NFIA: variants seen among roughly 807,000 people sequenced by gnomAD.
The protein encoded by NFIA is nuclear factor I A.
NFIA carries 8 observed loss-of-function variants against 62.8 expected under a neutral mutation model. That is an observed-to-expected ratio of 0.13 (90% CI 0.07 to 0.23). NFIA has a LOEUF of 0.23. Among genes scored for constraint, NFIA ranks in the 10% least tolerant of loss-of-function variants. NFIA has a pLI of 1.00. For synonymous variants in NFIA, 235 were observed against 238.1 expected (o/e 0.99, Z 0.12); for missense variants, 410 against 642.1 (o/e 0.64, Z 3.91).
chr1:61,217,660 G>A (rs1653720300), intron 2 of NFIA, among the ~76,000 whole-genome samples: 1 of 152,174 alleles, frequency 6.6e-6, no homozygotes, highest in Non-Finnish European at 1.5e-5. Flanking sequence ...GCACATGTCA[G>A]TATGAAACAT....
At chr1:61,443,781 C>T (rs1314142112) in intron 10 of NFIA, among the ~76,000 whole-genome samples, 1 of 152,164 alleles carries the variant, frequency 6.6e-6, no homozygotes, top group Non-Finnish European at 1.5e-5. Flanking sequence ...TGTGCCCTTT[C>T]CATTTCTGCC....
At chr1:61,295,743 T>C (rs893620925) in intron 3 of NFIA, among the ~76,000 whole-genome samples, 1 of 152,204 alleles carries the variant, frequency 6.6e-6, no homozygotes, top group Non-Finnish European at 1.5e-5. Context: ...AAGGATTTAG[T>C]AAGGATTTAA....
intron 7 of NFIA, among the ~76,000 whole-genome samples, chr1:61,394,220 C>T (rs1235196069): frequency 6.6e-6 from 1 of 152,190 alleles, no homozygotes; most frequent in Non-Finnish European, 1.5e-5. Flanking sequence ...GTTGCCCAGG[C>T]TGGAGTGCAG....
chr1:61,134,451 G>A (rs966760180), intron 2 of NFIA, among the ~76,000 whole-genome samples: 2 of 152,120 alleles, frequency 1.3e-5, no homozygotes, highest in African/African-American at 4.8e-5. Context: ...AGTGGAAAGC[G>A]GGGTCTGCTG....
chr1:61,429,774 GATGAAT>G (rs1193845125), intron 10 of NFIA, among the ~76,000 whole-genome samples: 4 of 152,176 alleles, frequency 2.6e-5, no homozygotes, highest in African/African-American at 9.7e-5. Context: ...CCACAACGTG[GATGAAT>G]CTTGAAGACA....
chr1:61,205,901 C>CTTTTT (rs199804398), intron 2 of NFIA, among the ~76,000 whole-genome samples: 18 of 122,532 alleles, frequency 1.5e-4, no homozygotes, highest in African/African-American at 4.1e-4. Flanking sequence ...TTTTGCAGCC[C>CTTTTT]TTTTTTTTTT....
chr1:61,156,027 C>T (rs1042280894), intron 2 of NFIA, among the ~76,000 whole-genome samples: 2 of 151,968 alleles, frequency 1.3e-5, no homozygotes, highest in Non-Finnish European at 2.9e-5. Flanking sequence ...CCCAGCTACT[C>T]GGAGGCTGTG....
chr1:61,140,385 A>G (rs1647418424), intron 2 of NFIA, among the ~76,000 whole-genome samples: 1 of 150,722 alleles, frequency 6.6e-6, no homozygotes, highest in East Asian at 2.0e-4. Context: ...GGGGGAGGCA[A>G]TGGGTAGGAG....
At chr1:61,385,303 T>C (rs1664622323) in intron 7 of NFIA, among the ~76,000 whole-genome samples, 1 of 152,018 alleles carries the variant, frequency 6.6e-6, no homozygotes, top group African/African-American at 2.4e-5. Context: ...CTTAGATAAA[T>C]GGAGGGCCAT....
chr1:61,152,492 A>G (rs1021308978), intron 2 of NFIA, among the ~76,000 whole-genome samples: 2 of 152,182 alleles, frequency 1.3e-5, no homozygotes, highest in African/African-American at 2.4e-5. Flanking sequence ...TAAGCTGAAA[A>G]TATGTGGGCT....
intron 3 of NFIA, among the ~76,000 whole-genome samples, chr1:61,302,112 G>A (rs1010332008): frequency 6.6e-6 from 1 of 152,134 alleles, no homozygotes; most frequent in Non-Finnish European, 1.5e-5. Flanking sequence ...ATTTACCCAT[G>A]CAGTGGGCAG....
chr1:61,286,097 A>G (rs1658472721), intron 3 of NFIA, among the ~76,000 whole-genome samples: 1 of 152,160 alleles, frequency 6.6e-6, no homozygotes, highest in Non-Finnish European at 1.5e-5. Context: ...CTTGTACCTC[A>G]ATTTTCTCAT....
intron 3 of NFIA, among the ~76,000 whole-genome samples, chr1:61,294,260 T>C (rs901349664): frequency 1.3e-5 from 2 of 152,234 alleles, no homozygotes; most frequent in African/African-American, 2.4e-5. Flanking sequence ...CCAATATTTA[T>C]TTATTAAACA....
intron 2 of NFIA, among the ~76,000 whole-genome samples, chr1:61,246,284 A>T (rs147273188): frequency 9.5e-4 from 144 of 152,340 alleles, no homozygotes; most frequent in Admixed American, 2.5e-3. Context: ...AGACATAAAT[A>T]TAGTTGTAGT....
intron 10 of NFIA, among the ~76,000 whole-genome samples, chr1:61,452,253 G>A (rs1203388748): frequency 7.0e-5 from 6 of 85,274 alleles, no homozygotes; most frequent in African/African-American, 2.6e-4. Context: ...GGAGATGTAT[G>A]AATTATTATT....
chr1:61,359,531 A>G lies in NFIA; in HGVS notation c.946+257A>G, dbSNP rs143675407. On this transcript the variant is annotated intron_variant, in intron 6 of 10. Transcript: ENST00000403491. The stretch of plus-strand genomic sequence containing the variant: ...GCTCTTACATATTTTCCCCTACACC[A>G]CAATCCAGCATTTGATTTGCTTTTG... 3.7e-3 allele frequency among the ~76,000 whole-genome samples: 561 copies of G among 152,254 alleles called. 4 individuals are homozygous for G. Among genetic ancestry groups the G allele is most frequent in the Middle Eastern group, 0.014 (4 of 294 alleles).
At chr1:61,413,230 A>G (rs1666184318) in intron 9 of NFIA, among the ~76,000 whole-genome samples, 1 of 152,222 alleles carries the variant, frequency 6.6e-6, no homozygotes, top group Admixed American at 6.5e-5. Context: ...TCTTGTATAT[A>G]TTCATTATAC....
At chr1:61,332,675 T>G (rs1229447193) in intron 4 of NFIA, 89 bp downstream of exon 4, 1 of 1,036,412 alleles carries the variant, frequency 9.6e-7, no homozygotes, top group Non-Finnish European at 1.5e-6. Context: ...AAAAAAAGCT[T>G]TCAGAATCTC....
chr1:61,253,083 C>G (rs1429679102), intron 2 of NFIA, among the ~76,000 whole-genome samples: 2 of 152,176 alleles, frequency 1.3e-5, no homozygotes, highest in Admixed American at 1.3e-4. Flanking sequence ...CAGCCATGTT[C>G]CAAATGCTCT....
Sources: gnomAD v4.1 joint callset for allele counts (sites outside exome capture counted in the v4.1 genomes callset) on GRCh38, gnomAD v4.1.1 for gene constraint, MANE v1.5 for transcripts, NCBI Gene and HGNC (gene_info 2026-07-23, HGNC 2026-07-21) for gene names.